PDE4D: variants seen among roughly 807,000 people sequenced by gnomAD.
The protein encoded by PDE4D is phosphodiesterase 4D, also known as 3',5'-cyclic-AMP phosphodiesterase 4D.
In PDE4D, 24 loss-of-function variants were observed where a neutral mutation model predicts 87.4. The ratio of observed to expected loss-of-function variants is 0.27; its 90% CI spans 0.20 to 0.39. PDE4D has a LOEUF of 0.39. Among genes scored for constraint, PDE4D ranks in the 10% least tolerant of loss-of-function variants. The pLI is 1.00. For missense variants in PDE4D, 714 were observed against 1,041.0 expected, an observed-to-expected ratio of 0.69 and a Z score of 4.32; for synonymous variants, 384 against 383.2, an observed-to-expected ratio of 1.00 and a Z score of -0.02.
At chr5:60,439,446 T>C (rs546798462) in intron 1 of PDE4D, among the ~76,000 whole-genome samples, 3 of 152,164 alleles carry the variant, frequency 2.0e-5, no homozygotes, top group East Asian at 3.9e-4. Flanking sequence ...AATGACTCAG[T>C]CTCTGGAAGT....
chr5:59,118,877 G>A (rs1280118642), intron 5 of PDE4D, among the ~76,000 whole-genome samples: 1 of 152,134 alleles, frequency 6.6e-6, no homozygotes, highest in Non-Finnish European at 1.5e-5. Context: ...TAGGCCAGAG[G>A]ACTTGGGAGA....
At chr5:60,174,936 T>A (rs1306425043) in intron 2 of PDE4D, among the ~76,000 whole-genome samples, 2 of 152,132 alleles carry the variant, frequency 1.3e-5, no homozygotes, top group African/African-American at 4.8e-5. Context: ...TACTTGGAGA[T>A]TTTGAGTCTG....
At chr5:58,977,701 G>GT (rs1032044733) in intron 11 of PDE4D, among the ~76,000 whole-genome samples, 111 of 152,132 alleles carry the variant, frequency 7.3e-4, no homozygotes, top group African/African-American at 2.6e-3. Context: ...AGAGCATAAG[G>GT]TTTTGTATTC....
In PDE4D at chr5:59,681,346, C is replaced by T. The variant is rs185740137; in HGVS notation, c.455+211822G>A. On this transcript the variant is annotated intron_variant, in intron 1 of 14. Coordinates refer to ENST00000340635, the MANE Select transcript of PDE4D (RefSeq NM_001104631.2). ...TAAATAAAGAATTCATGACTCCACA[C>T]AGAAACAAGCACGAAGAAACATTTT... Among the ~76,000 whole-genome samples the T allele has an allele frequency of 4.1e-3, 622 of 152,142 alleles. 2 individuals are homozygous for T. The highest frequency in any genetic ancestry group is 6.2e-3 in the Non-Finnish European group (422 of 67,992).
At chr5:60,387,388 T>A (rs1465226382) in intron 1 of PDE4D, among the ~76,000 whole-genome samples, 1 of 152,240 alleles carries the variant, frequency 6.6e-6, no homozygotes, top group Non-Finnish European at 1.5e-5. Flanking sequence ...GAGACTTTTG[T>A]GTATATTGTT....
intron 2 of PDE4D, among the ~76,000 whole-genome samples, chr5:60,057,519 C>G (rs1770909626): frequency 6.6e-6 from 1 of 152,000 alleles, no homozygotes; most frequent in South Asian, 2.1e-4. Context: ...CCTTCTGTCC[C>G]CAGCCCTGTA....
chr5:59,255,291 A>G lies in PDE4D; in HGVS notation c.456-39323T>C, dbSNP rs1271834487. Among the ~76,000 whole-genome samples the G allele has an allele frequency of 4.6e-5, 7 of 152,254 alleles. No individual in the cohort carries two copies. In the East Asian group the frequency reaches 1.2e-3, roughly 25 times the overall value. On this transcript the variant is annotated intron_variant, in intron 1 of 14. Coordinates refer to ENST00000340635, the MANE Select transcript of PDE4D (RefSeq NM_001104631.2). Reference sequence around the variant, plus strand: ...AGACTTGAAAACATTATGCTAAGTGAAAGAAGCAAGTCACAAAAGACCTCA... The same window carrying G: ...AGACTTGAAAACATTATGCTAAGTGGAAGAAGCAAGTCACAAAAGACCTCA...
Position 59,215,877 on chromosome 5 carries a change from C to T in PDE4D, c.547G>A (p.Val183Ile), listed in dbSNP as rs375081915. 3 of 1,613,444 alleles carry T rather than the reference C, an allele frequency of 1.9e-6. No individual in the cohort carries two copies. In the African/African-American group the frequency reaches 4.0e-5, roughly 22 times the overall value. The change falls in exon 2 of 15, where the codon GTC (valine) becomes ATC (isoleucine). Residue 183 changes from valine to isoleucine, a missense_variant. Coordinates refer to ENST00000340635, the MANE Select transcript of PDE4D (RefSeq NM_001104631.2). ...GSGLILQANFVHSQRRESFLY... is the reference protein window; with the variant it reads ...GSGLILQANFIHSQRRESFLY... ...AAGGACTCCCGTCGTTGACTGTGGACAAAATTTGCTTGGAGAATTAGCCCG... is the reference window on the plus strand; with the variant it reads ...AAGGACTCCCGTCGTTGACTGTGGATAAAATTTGCTTGGAGAATTAGCCCG...
rs547320549 is a variant in PDE4D at position 59,988,769 on chromosome 5, T to C, written c.43-52A>G. On this transcript the variant is annotated intron_variant, in intron 2 of 16. Transcript: ENST00000502484. ...TATAATCAACAAAAATCACACTGTT[T>C]ATCATTACATAATGGCTTAATACTT... 2.7e-5 allele frequency: 26 copies of C among 963,884 alleles called. No homozygotes were observed. In the South Asian group the frequency reaches 3.8e-4, roughly 14 times the overall value. 59.7% of individuals were successfully genotyped at this position (963,884 alleles called of 1,614,324 possible). A position where few individuals can be genotyped will look rare whatever the true frequency, so the allele number is the denominator to read the frequency against.
At chr5:59,775,505 A>G (rs1366610299) in intron 1 of PDE4D, among the ~76,000 whole-genome samples, 2 of 132,452 alleles carry the variant, frequency 1.5e-5, no homozygotes, top group Admixed American at 1.4e-4. Flanking sequence ...ACTGACATAC[A>G]AAAAAAAAAT....
At chr5:59,495,486 C>G (rs1807011071) in intron 1 of PDE4D, among the ~76,000 whole-genome samples, 1 of 152,158 alleles carries the variant, frequency 6.6e-6, no homozygotes, top group Non-Finnish European at 1.5e-5. Context: ...TGAAAGGGAT[C>G]AAGATGGCTG....
At chr5:59,906,604 T>C (rs895915022) in intron 3 of PDE4D, among the ~76,000 whole-genome samples, 10 of 152,250 alleles carry the variant, frequency 6.6e-5, no homozygotes, top group African/African-American at 2.4e-4. Flanking sequence ...TCTAAAATAT[T>C]TACTAAACGA....
chr5:59,071,870 G>T (rs762505333), intron 5 of PDE4D, among the ~76,000 whole-genome samples: 4 of 151,608 alleles, frequency 2.6e-5, no homozygotes, highest in African/African-American at 9.7e-5. Context: ...TATATTTTTA[G>T]TAGAGACGGG....
intron 1 of PDE4D, among the ~76,000 whole-genome samples, chr5:59,782,769 C>A (rs1317131920): frequency 6.6e-6 from 1 of 152,152 alleles, no homozygotes; most frequent in Non-Finnish European, 1.5e-5. Context: ...AAATGATAAG[C>A]AATTTTGCTA....
At chr5:59,669,302 A>G (rs747730003) in intron 1 of PDE4D, among the ~76,000 whole-genome samples, 8 of 152,010 alleles carry the variant, frequency 5.3e-5, no homozygotes, top group Non-Finnish European at 1.2e-4. Context: ...TGGTAGATAC[A>G]TGGTTCTCCA....
chr5:60,231,374 T>A (rs2149626421), intron 1 of PDE4D, among the ~76,000 whole-genome samples: 1 of 152,112 alleles, frequency 6.6e-6, no homozygotes, highest in Non-Finnish European at 1.5e-5. Flanking sequence ...AGATATAAAC[T>A]TTGTGGCAAA....
At chr5:59,117,383 C>G (rs1773775976) in intron 5 of PDE4D, among the ~76,000 whole-genome samples, 1 of 152,154 alleles carries the variant, frequency 6.6e-6, no homozygotes, top group Non-Finnish European at 1.5e-5. Flanking sequence ...ATTAGTTTGA[C>G]AGACCAAGGC....
intron 1 of PDE4D, among the ~76,000 whole-genome samples, chr5:59,616,945 A>ATATATATATATATATCTCTC (rs936160133): frequency 3.6e-5 from 5 of 137,278 alleles, no homozygotes; most frequent in African/African-American, 1.3e-4. Context: ...ATATATATAT[A>ATATATATATATATATCTCTC]TCTCCAAGAT....
chr5:59,348,623 C>CTT (rs5868176), intron 1 of PDE4D, among the ~76,000 whole-genome samples: 10,269 of 129,910 alleles, frequency 0.079, 655 homozygotes, highest in South Asian at 0.18. Context: ...CACTTCAAAG[C>CTT]TTTTTTTTTT....
Sources: gnomAD v4.1 joint callset for allele counts (sites outside exome capture counted in the v4.1 genomes callset) on GRCh38, gnomAD v4.1.1 for gene constraint, MANE v1.5 for transcripts, NCBI Gene and HGNC (gene_info 2026-07-23, HGNC 2026-07-21) for gene names.